Variants in HERC6 observed in about 807,000 individuals in gnomAD.
HERC6 encodes the protein probable E3 ubiquitin-protein ligase HERC6.
A neutral mutation model predicts 114.5 loss-of-function variants in HERC6; 101 were observed. The observed-to-expected ratio is 0.88, with a 90% CI of 0.75 to 1.04. The LOEUF (loss-of-function observed/expected upper bound fraction) is 1.04, where lower values mean the gene tolerates loss of function less well. HERC6 is among the 50% of genes least tolerant of loss of function. HERC6 has a pLI of 0.00. For missense variants in HERC6, 1,133 were observed against 1,230.9 expected, an observed-to-expected ratio of 0.92 and a Z score of 1.19; for synonymous variants, 408 against 436.2, an observed-to-expected ratio of 0.94 and a Z score of 0.81.
intron 13 of HERC6, among the ~76,000 whole-genome samples, chr4:88,419,026 C>G (rs1394296404): frequency 1.3e-5 from 2 of 152,038 alleles, no homozygotes; most frequent in Non-Finnish European, 2.9e-5. Context: ...GTGCCCAGCC[C>G]AGATATGTGA....
chr4:88,441,578 G>A (rs1431734005), intron 22 of HERC6, among the ~76,000 whole-genome samples: 2 of 152,124 alleles, frequency 1.3e-5, no homozygotes, highest in African/African-American at 4.8e-5. Context: ...GGTTTCTCTA[G>A]GGCAGACTTA....
At position 88,383,304 on chromosome 4, in the gene HERC6, A is replaced by T. The variant is rs1318912984; in HGVS notation, c.283A>T (p.Arg95Trp). The T allele has an allele frequency of 6.3e-7, 1 of 1,588,312 alleles. No individual in the cohort carries two copies. The highest frequency in any genetic ancestry group is 1.1e-5 in the South Asian group (1 of 87,064). The change falls in exon 2 of 23, where the codon AGG becomes TGG. Residue 95 changes from arginine to tryptophan, a missense_variant. Arg to Trp is a moderately radical substitution (Grantham distance 101). Around this residue, in one of 3 missense-constraint regions of HERC6, gnomAD observed 735 missense variants for 754.0 expected, o/e 0.97. Coordinates refer to ENST00000264346, the MANE Select transcript of HERC6 (RefSeq NM_017912.4). Reference sequence around the variant, plus strand: ...CTCCCTGGCTGTGTGCCACAAAGGAAGGGTCTTCGCATGGGGAGCTGGTTC... The same window carrying T: ...CTCCCTGGCTGTGTGCCACAAAGGATGGGTCTTCGCATGGGGAGCTGGTTC... ...EHSLAVCHKG[R>W]VFAWGAGSEG...
In HERC6 at chr4:88,442,468, TGA is replaced by T; in HGVS notation, c.*13_*14del. On this transcript the variant is annotated 3_prime_UTR_variant, in exon 23 of 23. Transcript: ENST00000264346. Reference sequence around the variant, plus strand: ...ATGCTCACACAGTCATAATCACCTCTGAGAGACTCAGGGTGGGCTTTCTCACA... The same window carrying T: ...ATGCTCACACAGTCATAATCACCTCTGAGACTCAGGGTGGGCTTTCTCACA... 1.9e-6 allele frequency: 3 copies of T among 1,598,694 alleles called. No homozygotes were observed. Among genetic ancestry groups the T allele is most frequent in the Non-Finnish European group, 2.6e-6 (3 of 1,166,930 alleles).
chr4:88,382,724 G>C (rs1335215927), intron 1 of HERC6, among the ~76,000 whole-genome samples: 2 of 152,200 alleles, frequency 1.3e-5, no homozygotes, highest in East Asian at 3.8e-4. Flanking sequence ...TAAGGGAGGT[G>C]CAAGGAGATG....
chr4:88,386,373 T>C (rs1269029332), intron 3 of HERC6, among the ~76,000 whole-genome samples: 1 of 151,898 alleles, frequency 6.6e-6, no homozygotes, highest in East Asian at 1.9e-4. Context: ...GCCCGGCTAA[T>C]TTTTGTATTT....
intron 2 of HERC6, among the ~76,000 whole-genome samples, chr4:88,383,763 C>CGAAA: frequency 3.5e-5 from 1 of 28,740 alleles, no homozygotes; most frequent in Non-Finnish European, 6.0e-5. Context: ...GACTCAGTCT[C>CGAAA]AAAAAAAAAA....
intron 8 of HERC6, 92 bp from the exon 9 acceptor site, chr4:88,404,784 C>G: frequency 6.8e-7 from 1 of 1,478,260 alleles, no homozygotes; most frequent in Non-Finnish European, 9.2e-7. Flanking sequence ...AGGGCAGGGC[C>G]TATTTACCAC....
intron 18 of HERC6, 51 bp from the exon 19 acceptor site, chr4:88,436,854 A>T (rs889988903): frequency 1.6e-5 from 21 of 1,285,792 alleles, no homozygotes; most frequent in Non-Finnish European, 2.3e-5. Flanking sequence ...ATTACTTGTG[A>T]AACTTTATAA....
Position 88,434,902 on chromosome 4 carries a change from G to A in HERC6, c.2251-823G>A, listed in dbSNP as rs536775566. On this transcript the variant is annotated intron_variant, in intron 17 of 22. Transcript: ENST00000264346. ...TTAGGTTTCAGGGGACCCCTTTGTCGATTACTTGTATTGTACTTAGAACTT... is the reference window on the plus strand; with the variant it reads ...TTAGGTTTCAGGGGACCCCTTTGTCAATTACTTGTATTGTACTTAGAACTT... Among the ~76,000 whole-genome samples the A allele has an allele frequency of 3.3e-5, 5 of 152,098 alleles. No homozygotes were observed. The East Asian group carries it at 5.8e-4, about 18-fold the overall frequency.
At chr4:88,437,895 T>C in intron 20 of HERC6, 114 bp downstream of exon 20, 2 of 798,414 alleles carry the variant, frequency 2.5e-6, no homozygotes, top group Non-Finnish European at 2.0e-6. Flanking sequence ...TCCCAGCAAT[T>C]TGGGAGGCTG....
intron 6 of HERC6, among the ~76,000 whole-genome samples, chr4:88,396,504 C>T (rs1035872444): frequency 5.3e-5 from 8 of 152,060 alleles, no homozygotes; most frequent in South Asian, 2.1e-4. Flanking sequence ...CGGAGTTCTG[C>T]GTAACCTAAT....
chr4:88,405,620 C>T lies in HERC6; in HGVS notation c.1274+7C>T, dbSNP rs764420204. 1 of 1,427,298 alleles carries T rather than the reference C, an allele frequency of 7.0e-7. No homozygotes were observed. The highest frequency in any genetic ancestry group is 9.6e-7 in the Non-Finnish European group (1 of 1,037,672). The allele number at this position is 1,427,298 out of a possible 1,614,324, so 88.4% of individuals were successfully genotyped here. A position where few individuals can be genotyped will look rare whatever the true frequency, so the allele number is the denominator to read the frequency against. On this transcript the variant is annotated splice_region_variant and intron_variant, in intron 10 of 22. Coordinates refer to ENST00000264346, the MANE Select transcript of HERC6 (RefSeq NM_017912.4). ...CAAGTTTTTTAAAGAAAAGGTAATA[C>T]TTACATAAGATTTACCTTCATTTAA...
Position 88,442,436 on chromosome 4 carries a change from C to T in HERC6, c.3045C>T (p.Val1015=), listed in dbSNP as rs1739437553. The change falls in exon 23 of 23, where the codon GTC becomes GTT. Residue 1015 remains valine, a synonymous_variant. Coordinates refer to ENST00000264346, the MANE Select transcript of HERC6 (RefSeq NM_017912.4). ...CCATCAACAACAACAGAGGATTTGTCTCACCCATGCTCACACAGTCATAAT... is the reference window on the plus strand; with the variant it reads ...CCATCAACAACAACAGAGGATTTGTTTCACCCATGCTCACACAGTCATAAT... ...QVAINNNRGF[V]SPMLTQS is the part of the protein sequence containing the mutation. 6.2e-7 allele frequency: 1 copy of T among 1,613,688 alleles called. No homozygotes were observed. The highest frequency in any genetic ancestry group is 8.5e-7 in the Non-Finnish European group (1 of 1,179,802).
At chr4:88,431,651 G>C (rs533996696) in intron 17 of HERC6, among the ~76,000 whole-genome samples, 2 of 152,322 alleles carry the variant, frequency 1.3e-5, no homozygotes, top group South Asian at 4.1e-4. Context: ...GCTCAGCCTG[G>C]TGGTTCACAC....
intron 3 of HERC6, 46 bp from the exon 4 acceptor site, chr4:88,390,606 G>A (rs1273887986): frequency 1.2e-5 from 17 of 1,441,792 alleles, no homozygotes; most frequent in Non-Finnish European, 1.3e-5. Flanking sequence ...TTTGAATTTG[G>A]TATTCTAATA....
At chr4:88,431,479 T>A (rs1345952647) in intron 17 of HERC6, among the ~76,000 whole-genome samples, 174 bp downstream of exon 17, 1 of 152,148 alleles carries the variant, frequency 6.6e-6, no homozygotes, top group Non-Finnish European at 1.5e-5. Context: ...CTTGGGGAGC[T>A]GTTAGAAAAG....
Position 88,396,949 on chromosome 4 carries a change from C to CAG in HERC6, c.990_991dup (p.Asn331ArgfsTer8). 6.2e-7 allele frequency: 1 copy of CAG among 1,612,908 alleles called. No homozygotes were observed. Among genetic ancestry groups the CAG allele is most frequent in the Non-Finnish European group, 8.5e-7 (1 of 1,179,280 alleles). ...AAGCCAACTCATCCGGAGGCCCTGA[C>CAG]AGAGAACTTTGACATTAGCTGCCTG... On this transcript the variant is annotated frameshift_variant, in exon 7 of 23. Transcript: ENST00000264346. LOFTEE classifies it high-confidence loss of function.
intron 12 of HERC6, 72 bp from the exon 13 acceptor site, chr4:88,417,353 A>G (rs1447934959): frequency 7.5e-7 from 1 of 1,336,788 alleles, no homozygotes; most frequent in East Asian, 2.5e-5. Flanking sequence ...TACATTAAAG[A>G]ACCCACTAGA....
At chr4:88,426,756 G>C (rs1407206314) in intron 15 of HERC6, among the ~76,000 whole-genome samples, 2 of 152,206 alleles carry the variant, frequency 1.3e-5, no homozygotes, top group Non-Finnish European at 2.9e-5. Context: ...GATTACAGGC[G>C]TGAGCCACCA....
Sources: allele counts gnomAD v4.1 joint callset (sites outside exome capture counted in the v4.1 genomes callset), GRCh38; gene constraint gnomAD v4.1.1; regional missense constraint gnomAD v4.1.1; transcripts MANE v1.5; gene names NCBI Gene and HGNC (gene_info 2026-07-23, HGNC 2026-07-21).